The following PTPRN2 variants were observed in gnomAD, a reference collection of about 807,000 sequenced individuals.
PTPRN2 encodes protein tyrosine phosphatase receptor type N2.
In PTPRN2, 74 loss-of-function variants were observed where a neutral mutation model predicts 118.8. That is an observed-to-expected ratio of 0.62 (90% CI 0.52 to 0.76). The LOEUF (loss-of-function observed/expected upper bound fraction) is 0.76, where lower values mean the gene tolerates loss of function less well. Ranked by LOEUF, PTPRN2 falls within the 30% of genes least tolerant of loss-of-function variation. The probability of loss-of-function intolerance (pLI) is 0.00; values close to 1 mark genes in which losing one functional copy is unlikely to be tolerated. For synonymous variants in PTPRN2, 641 were observed against 608.0 expected (o/e 1.05, Z -0.80); for missense variants, 1,481 against 1,394.4 (o/e 1.06, Z -0.99).
chr7:157,540,896 A>T (rs1466591468), intron 22 of PTPRN2, 111 bp from the exon 23 acceptor site: 1 of 820,496 alleles, frequency 1.2e-6, no homozygotes, highest in Non-Finnish European at 1.9e-6. Context: ...CCAACGCAGC[A>T]TCAGCTCCCC....
At chr7:158,087,575 C>G (rs1385546550) in intron 10 of PTPRN2, among the ~76,000 whole-genome samples, 1 of 149,772 alleles carries the variant, frequency 6.7e-6, no homozygotes, top group African/African-American at 2.4e-5. Context: ...GATGCAAACG[C>G]TTCCTCCCCT....
intron 13 of PTPRN2, among the ~76,000 whole-genome samples, chr7:157,658,919 C>T (rs1295912572): frequency 6.6e-6 from 1 of 152,112 alleles, no homozygotes; most frequent in Non-Finnish European, 1.5e-5. Flanking sequence ...CACTCGCTCC[C>T]CACAGCCGTG....
intron 6 of PTPRN2, among the ~76,000 whole-genome samples, chr7:158,154,885 G>A (rs893535215): frequency 2.6e-5 from 4 of 152,172 alleles, no homozygotes; most frequent in African/African-American, 9.7e-5. Flanking sequence ...AACATGCTGA[G>A]TTATCTCAGA....
At chr7:157,734,932 G>A (rs567004587) in intron 12 of PTPRN2, among the ~76,000 whole-genome samples, 1 of 152,172 alleles carries the variant, frequency 6.6e-6, no homozygotes, top group Admixed American at 6.5e-5. Context: ...TGGAGGAAAC[G>A]CGCACACACA....
Position 158,395,747 on chromosome 7 carries a change from AGGGGTGAGGCGC to A in PTPRN2, c.164-78827_164-78816del, listed in dbSNP as rs1812412085. Among the ~76,000 whole-genome samples the A allele has an allele frequency of 2.5e-4, 5 of 19,768 alleles. 1 individual carries two copies. The highest frequency in any genetic ancestry group is 1.3e-3 in the African/African-American group (5 of 3,852). The allele number at this position is 19,768 out of a possible 152,430, so 13.0% of individuals were successfully genotyped here. ...CGCGAGGGGAGAGGGGAGAGGGGCGAGGGGTGAGGCGCGAGGGGCGAGGGGTGAGGCGCGAGG... is the reference window on the plus strand; with the variant it reads ...CGCGAGGGGAGAGGGGAGAGGGGCGAGAGGGGCGAGGGGTGAGGCGCGAGG... On this transcript the variant is annotated intron_variant, in intron 2 of 22. Transcript: ENST00000389418.
chr7:157,568,481 G>T (rs1799595887), intron 21 of PTPRN2, among the ~76,000 whole-genome samples: 1 of 152,204 alleles, frequency 6.6e-6, no homozygotes, highest in African/African-American at 2.4e-5. Flanking sequence ...ATACCGTTTT[G>T]ACAACAGTGG....
chr7:158,196,825 T>G (rs1168772382), intron 4 of PTPRN2, among the ~76,000 whole-genome samples: 1 of 152,120 alleles, frequency 6.6e-6, no homozygotes, highest in African/African-American at 2.4e-5. Flanking sequence ...GAAAAAAAAG[T>G]AACCCAGAAT....
chr7:157,556,578 C>T (rs1563209661), intron 21 of PTPRN2, among the ~76,000 whole-genome samples: 1 of 147,936 alleles, frequency 6.8e-6, no homozygotes, highest in East Asian at 2.0e-4. Context: ...CACACACATA[C>T]ACATTCATGC....
chr7:158,177,754 A>C (rs989445455), intron 5 of PTPRN2, among the ~76,000 whole-genome samples: 1 of 152,184 alleles, frequency 6.6e-6, no homozygotes, highest in Non-Finnish European at 1.5e-5. Flanking sequence ...GGATCAAACA[A>C]AATTTCTTTG....
intron 2 of PTPRN2, among the ~76,000 whole-genome samples, chr7:158,422,311 G>A (rs940956556): frequency 2.6e-5 from 4 of 152,150 alleles, no homozygotes; most frequent in Non-Finnish European, 4.4e-5. Context: ...TGAACTCTTT[G>A]GCCAGCTTGG....
chr7:157,610,802 C>T lies in PTPRN2; in HGVS notation c.2345-6727G>A, dbSNP rs898031076. On this transcript the variant is annotated intron_variant, in intron 15 of 22. Transcript: ENST00000389418. The surrounding 1 kb of genome is among the most constrained non-coding windows in gnomAD (Gnocchi z 5.1). ...GAAGGGGCAGGTCCTCTTCCTCCCA[C>T]ACGCTCCTGTCCTTAGTCAGCAGGC... Among the ~76,000 whole-genome samples the T allele has an allele frequency of 1.3e-5, 2 of 152,256 alleles. No individual in the cohort carries two copies. Among genetic ancestry groups the T allele is most frequent in the Non-Finnish European group, 2.9e-5 (2 of 68,046 alleles).
chr7:158,291,104 A>G (rs1444719404), intron 3 of PTPRN2, among the ~76,000 whole-genome samples: 1 of 152,178 alleles, frequency 6.6e-6, no homozygotes, highest in African/African-American at 2.4e-5. Flanking sequence ...TGGCAGGAGG[A>G]GTTTCCAAGG....
chr7:158,487,923 T>C (rs1308089744), intron 2 of PTPRN2, among the ~76,000 whole-genome samples: 1 of 152,230 alleles, frequency 6.6e-6, no homozygotes, highest in Non-Finnish European at 1.5e-5. Flanking sequence ...TATGTGTATT[T>C]ACATTTAAAT....
At chr7:158,072,472 G>T (rs1344732825) in intron 11 of PTPRN2, among the ~76,000 whole-genome samples, 1 of 152,162 alleles carries the variant, frequency 6.6e-6, no homozygotes, top group East Asian at 1.9e-4. Context: ...GACCAGGTAA[G>T]ACCTGCCTGT....
intron 19 of PTPRN2, among the ~76,000 whole-genome samples, chr7:157,573,107 G>A (rs887969467): frequency 2.0e-5 from 3 of 152,164 alleles, no homozygotes; most frequent in Non-Finnish European, 2.9e-5. Flanking sequence ...GTAAAGCATC[G>A]AGGGCTCCTG....
chr7:157,608,969 C>T (rs975974976), intron 15 of PTPRN2, among the ~76,000 whole-genome samples: 2 of 152,194 alleles, frequency 1.3e-5, no homozygotes, highest in Non-Finnish European at 2.9e-5. Context: ...TGGGAACTCA[C>T]GTAGAGTCTT....
In PTPRN2 at chr7:157,576,746, C is replaced by T; in HGVS notation, c.2650G>A (p.Asp884Asn). The change falls in exon 19 of 23, where the codon GAC becomes AAC. Residue 884 changes from aspartate to asparagine, a missense_variant. Coordinates refer to ENST00000389418, the MANE Select transcript of PTPRN2 (RefSeq NM_002847.5). ...AGATAGAAGCTCCTCACCAGGAAGT[C>T]CTCACACCAGATGTGCTCGGAGACC... ...NLVSEHIWCE[D>N]FLVRSFYLKN... The T allele has an allele frequency of 6.2e-7, 1 of 1,608,652 alleles. No individual in the cohort carries two copies. The highest frequency in any genetic ancestry group is 8.5e-7 in the Non-Finnish European group (1 of 1,177,348).
At chr7:158,103,666 G>A (rs184427509) in intron 10 of PTPRN2, among the ~76,000 whole-genome samples, 68 of 152,238 alleles carry the variant, frequency 4.5e-4, no homozygotes, top group Non-Finnish European at 8.5e-4. Context: ...TCAGGGGCAG[G>A]GATGAGTGTT....
At chr7:157,708,332 G>T in intron 12 of PTPRN2, among the ~76,000 whole-genome samples, 1 of 152,098 alleles carries the variant, frequency 6.6e-6, no homozygotes, top group East Asian at 1.9e-4. Flanking sequence ...GTCCCCTTAC[G>T]ATTATCTCTC....
Sources: gnomAD v4.1 joint callset for allele counts (sites outside exome capture counted in the v4.1 genomes callset) on GRCh38, gnomAD v4.1.1 for gene constraint, Gnocchi (gnomAD v3.1) non-coding constraint, MANE v1.5 for transcripts, NCBI Gene and HGNC (gene_info 2026-07-23, HGNC 2026-07-21) for gene names.